The following LUZP2 variants were observed in gnomAD, a reference collection of about 807,000 sequenced individuals.
LUZP2 encodes the protein leucine zipper protein 2.
LUZP2 carries 52 observed loss-of-function variants against 51.6 expected under a neutral mutation model. That is an observed-to-expected ratio of 1.01 (90% CI 0.81 to 1.27). The LOEUF is 1.27. Ranked by LOEUF, LUZP2 falls within the 50% of genes most tolerant of loss-of-function variation. The pLI is 0.00. For missense variants in LUZP2, 436 were observed against 395.4 expected (o/e 1.10, Z -0.87); for synonymous variants, 154 against 137.3 (o/e 1.12, Z -0.85).
intron 5 of LUZP2, among the ~76,000 whole-genome samples, chr11:24,775,856 T>A (rs951668238): frequency 3.9e-5 from 6 of 152,182 alleles, no homozygotes; most frequent in Non-Finnish European, 8.8e-5. Context: ...TTATTTTATG[T>A]ACCTCAAAAT....
rs111398773 is a variant in LUZP2 at position 24,858,428 on chromosome 11, C to T, written c.397-47563C>T. Among the ~76,000 whole-genome samples the T allele has an allele frequency of 7.1e-3, 1,083 of 152,200 alleles. 13 individuals carry two copies. The highest frequency in any genetic ancestry group is 0.025 in the African/African-American group (1,022 of 41,532). ...TTTCCAAAGCAACCCAAGTAACTTA[C>T]TTGGACACAGTTGTTCTTCTTTCTC... On this transcript the variant is annotated intron_variant, in intron 5 of 11. Transcript: ENST00000336930.
chr11:24,927,490 T>G, intron 7 of LUZP2, among the ~76,000 whole-genome samples: 1 of 150,542 alleles, frequency 6.6e-6, no homozygotes, highest in East Asian at 1.9e-4. Flanking sequence ...TATTTGTATA[T>G]TAGGGTGTCC....
At chr11:24,921,217 G>A (rs1256119276) in intron 7 of LUZP2, among the ~76,000 whole-genome samples, 2 of 152,036 alleles carry the variant, frequency 1.3e-5, no homozygotes, top group Admixed American at 6.6e-5. Context: ...GAGGGAGGGG[G>A]GCTCGGAACA....
At position 24,801,233 on chromosome 11, in the gene LUZP2, A is replaced by G. The variant is rs1479059165; in HGVS notation, c.396+37925A>G. On this transcript the variant is annotated intron_variant, in intron 5 of 11. Coordinates refer to ENST00000336930, the MANE Select transcript of LUZP2 (RefSeq NM_001009909.4). ...CTCAGCAGGGGTAAATTTTAAAATC[A>G]TTGTTGGTGAGGGAATACCATCTCC... Among the ~76,000 whole-genome samples, 2 of 152,076 alleles carry G rather than the reference A, an allele frequency of 1.3e-5. 1 individual carries two copies. The highest frequency in any genetic ancestry group is 4.1e-4 in the South Asian group (2 of 4,830).
At chr11:24,805,467 A>C (rs1849827209) in intron 5 of LUZP2, among the ~76,000 whole-genome samples, 2 of 152,106 alleles carry the variant, frequency 1.3e-5, no homozygotes, top group African/African-American at 4.8e-5. Flanking sequence ...TGCCTGCCTC[A>C]GTCATTGCGC....
At chr11:24,902,930 A>G (rs1853323494) in intron 5 of LUZP2, among the ~76,000 whole-genome samples, 1 of 152,176 alleles carries the variant, frequency 6.6e-6, no homozygotes, top group Admixed American at 6.5e-5. Context: ...GAAGAAAGAA[A>G]AAATAGCTTT....
chr11:24,512,465 C>G (rs1476243708), intron 1 of LUZP2, among the ~76,000 whole-genome samples: 1 of 152,092 alleles, frequency 6.6e-6, no homozygotes, highest in East Asian at 1.9e-4. Flanking sequence ...ATTGCTGAAG[C>G]AGCATCAGTC....
intron 1 of LUZP2, among the ~76,000 whole-genome samples, chr11:24,596,949 G>A (rs968891216): frequency 1.3e-5 from 2 of 152,160 alleles, no homozygotes; most frequent in Non-Finnish European, 2.9e-5. Context: ...ATATGAAGAG[G>A]TTATGTCCAG....
intron 5 of LUZP2, among the ~76,000 whole-genome samples, chr11:24,828,573 A>C (rs1850609701): frequency 6.6e-6 from 1 of 151,688 alleles, no homozygotes; most frequent in Non-Finnish European, 1.5e-5. Context: ...AAAAAAAAAA[A>C]AACATATCTA....
intron 7 of LUZP2, among the ~76,000 whole-genome samples, chr11:24,935,663 A>G (rs1471958101): frequency 1.3e-5 from 2 of 152,168 alleles, no homozygotes; most frequent in Non-Finnish European, 2.9e-5. Flanking sequence ...TTTCATTATG[A>G]AAGTAAAATA....
intron 5 of LUZP2, among the ~76,000 whole-genome samples, chr11:24,856,736 A>G (rs1851579307): frequency 6.6e-6 from 1 of 152,088 alleles, no homozygotes; most frequent in Admixed American, 6.5e-5. Flanking sequence ...AATGGAATAC[A>G]TAACTTAATG....
chr11:24,876,432 G>A (rs3926543), intron 5 of LUZP2, among the ~76,000 whole-genome samples: 67,092 of 141,704 alleles, frequency 0.47, 16,337 homozygotes, highest in East Asian at 0.68. Context: ...ATTTCTGAGG[G>A]CTCTGCTCTG....
rs112167046 is a variant in LUZP2 at position 24,882,780 on chromosome 11, A to C, written c.397-23211A>C. ...TCATTGCTTTTTAGTGCAACGGGAG[A>C]AGGAAGAAAGGAAGAAAGGAAGGAA... On this transcript the variant is annotated intron_variant, in intron 5 of 11. Coordinates refer to ENST00000336930, the MANE Select transcript of LUZP2 (RefSeq NM_001009909.4). 2.1e-5 allele frequency among the ~76,000 whole-genome samples: 3 copies of C among 141,566 alleles called. No individual in the cohort carries two copies. In the South Asian group the frequency reaches 7.4e-4, roughly 35 times the overall value. 92.9% of individuals were successfully genotyped at this position (141,566 alleles called of 152,430 possible). A position where few individuals can be genotyped will look rare whatever the true frequency, so the allele number is the denominator to read the frequency against.
At chr11:24,818,215 T>C (rs1850243485) in intron 5 of LUZP2, among the ~76,000 whole-genome samples, 1 of 152,010 alleles carries the variant, frequency 6.6e-6, no homozygotes, top group South Asian at 2.1e-4. Flanking sequence ...GTCTTTTAGG[T>C]AGATAATGTT....
At chr11:24,977,753 T>A (rs1855918443) in intron 8 of LUZP2, among the ~76,000 whole-genome samples, 1 of 151,682 alleles carries the variant, frequency 6.6e-6, no homozygotes, top group Non-Finnish European at 1.5e-5. Context: ...ATACACTATG[T>A]TTAACATTAT....
intron 9 of LUZP2, among the ~76,000 whole-genome samples, chr11:24,984,539 T>TATATATATATATATATATAC (rs1856134033): frequency 1.1e-5 from 1 of 93,894 alleles, no homozygotes; most frequent in African/African-American, 4.9e-5. Context: ...TATATATATA[T>TATATATATATATATATATAC]ATATATATAT....
intron 1 of LUZP2, among the ~76,000 whole-genome samples, chr11:24,525,642 G>A (rs1184447077): frequency 6.7e-6 from 1 of 148,606 alleles, no homozygotes; most frequent in South Asian, 2.1e-4. Context: ...TTAATATACT[G>A]CTTTTTTATG....
In LUZP2 at chr11:24,976,117, G is replaced by C. The variant is rs1490334876; in HGVS notation, c.523-474G>C. ...TGTTGTTTTTTTCCTCTCCTTATGT[G>C]AACATGTGTCCTATGGAATTAGGGC... On this transcript the variant is annotated intron_variant, in intron 7 of 11. Coordinates refer to ENST00000336930, the MANE Select transcript of LUZP2 (RefSeq NM_001009909.4). Among the ~76,000 whole-genome samples, 3 of 151,890 alleles carry C rather than the reference G, an allele frequency of 2.0e-5. No homozygotes were observed. The East Asian group carries it at 5.8e-4, about 30-fold the overall frequency.
chr11:25,012,092 C>G (rs1857001404), intron 9 of LUZP2, among the ~76,000 whole-genome samples: 1 of 151,958 alleles, frequency 6.6e-6, no homozygotes, highest in Non-Finnish European at 1.5e-5. Context: ...CAATGTGTTT[C>G]CTATTATTAT....
Sources: allele counts gnomAD v4.1 joint callset (sites outside exome capture counted in the v4.1 genomes callset), GRCh38; gene constraint gnomAD v4.1.1; transcripts MANE v1.5; gene names NCBI Gene and HGNC (gene_info 2026-07-23, HGNC 2026-07-21).